The following CYP7B1 variants were observed in gnomAD, a reference collection of about 807,000 sequenced individuals.
CYP7B1 encodes cytochrome P450 family 7 subfamily B member 1.
CYP7B1 carries 29 observed loss-of-function variants against 42.7 expected under a neutral mutation model. The observed-to-expected ratio is 0.68, with a 90% CI of 0.51 to 0.93. The LOEUF (loss-of-function observed/expected upper bound fraction) is 0.93, where lower values mean the gene tolerates loss of function less well. Among genes scored for constraint, CYP7B1 ranks in the 40% least tolerant of loss-of-function variants. The pLI, the probability that CYP7B1 is intolerant of heterozygous loss-of-function variation, is 0.00. For synonymous variants in CYP7B1, 235 were observed against 218.2 expected (o/e 1.08, Z -0.68); for missense variants, 655 against 600.5 (o/e 1.09, Z -0.95).
At chr8:64,721,372 A>G (rs1050046409) in intron 1 of CYP7B1, among the ~76,000 whole-genome samples, 17 of 152,180 alleles carry the variant, frequency 1.1e-4, no homozygotes, top group Non-Finnish European at 2.1e-4. Flanking sequence ...ACTAATTTAA[A>G]AAAATCATAG....
intron 1 of CYP7B1, among the ~76,000 whole-genome samples, chr8:64,697,870 C>G (rs1806853540): frequency 6.6e-6 from 1 of 152,194 alleles, no homozygotes; most frequent in South Asian, 2.1e-4. Context: ...AAACCAAAAA[C>G]AAAACCAGTT....
chr8:64,789,595 A>G (rs1804585525), intron 1 of CYP7B1, among the ~76,000 whole-genome samples: 1 of 152,206 alleles, frequency 6.6e-6, no homozygotes, highest in Non-Finnish European at 1.5e-5. Flanking sequence ...AGGATATTTG[A>G]CAATATCTGA....
downstream of CYP7B1, among the ~76,000 whole-genome samples, chr8:64,587,587 C>T (rs1184070534): frequency 6.6e-6 from 1 of 152,214 alleles, no homozygotes. Context: ...CGCTTCCTCA[C>T]GCAGCAGGGA....
In CYP7B1 at chr8:64,604,795, CCT is replaced by C. The variant is rs775308704; in HGVS notation, c.1118_1119del (p.Glu373GlyfsTer30). On this transcript the variant is annotated frameshift_variant, in exon 5 of 6. Transcript: ENST00000310193. LOFTEE classifies it high-confidence loss of function. ...SSYSTTIRFVEEDLTLSSETG... is the reference protein window; with the variant it reads ...SSYSTTIRFVXEDLTLSSETG... ...GTCTCTGAACTGAGAGTCAAATCCT[CCT>C]CAACAAAACGAATGGTGGTTGAATA... 6.2e-7 allele frequency: 1 copy of C among 1,614,154 alleles called. No homozygotes were observed. Among genetic ancestry groups the C allele is most frequent in the Non-Finnish European group, 8.5e-7 (1 of 1,180,026 alleles).
intron 1 of CYP7B1, among the ~76,000 whole-genome samples, chr8:64,646,843 C>A (rs1393917015): frequency 6.6e-6 from 1 of 152,166 alleles, no homozygotes; most frequent in Non-Finnish European, 1.5e-5. Flanking sequence ...TTTTCTCTAT[C>A]AGCAACAAGG....
chr8:64,700,727 T>C (rs545107522), intron 1 of CYP7B1, among the ~76,000 whole-genome samples: 12 of 152,240 alleles, frequency 7.9e-5, no homozygotes, highest in African/African-American at 2.6e-4. Context: ...ACAAAGTATA[T>C]GTATATGTGA....
rs538222663 is a variant in CYP7B1 at position 64,797,965 on chromosome 8, T to A, written c.122+501A>T. Among the ~76,000 whole-genome samples the A allele has an allele frequency of 2.0e-5, 3 of 152,318 alleles. No individual in the cohort carries two copies. In the East Asian group the frequency reaches 5.8e-4, roughly 29 times the overall value. ...TTAACTCATTTAGTACTCACAAAAA[T>A]CTCACGAGGCATGTACTATTATTTC... On this transcript the variant is annotated intron_variant, in intron 1 of 5. Transcript: ENST00000310193.
intron 1 of CYP7B1, among the ~76,000 whole-genome samples, chr8:64,641,043 T>G (rs923023603): frequency 6.6e-6 from 1 of 152,340 alleles, no homozygotes; most frequent in African/African-American, 2.4e-5. Flanking sequence ...GTTTGGCACT[T>G]AGCCATTGTG....
intron 1 of CYP7B1, among the ~76,000 whole-genome samples, chr8:64,675,066 T>C (rs914114981): frequency 6.6e-6 from 1 of 152,148 alleles, no homozygotes; most frequent in Non-Finnish European, 1.5e-5. Context: ...TTTCTTTACA[T>C]GAACATGGTG....
chr8:64,607,414 A>C (rs1399837638), intron 4 of CYP7B1, among the ~76,000 whole-genome samples: 1 of 151,056 alleles, frequency 6.6e-6, no homozygotes, highest in Middle Eastern at 3.4e-3. Flanking sequence ...AAAAAAAAAA[A>C]AACTTTCCAT....
chr8:64,618,450 A>G (rs1005859898), intron 2 of CYP7B1, among the ~76,000 whole-genome samples: 2 of 152,210 alleles, frequency 1.3e-5, no homozygotes, highest in Admixed American at 6.5e-5. Context: ...AAATGGAAAC[A>G]GAAAATATAT....
rs1806596135 is a variant in CYP7B1 at position 64,684,885 on chromosome 8, A to G, written c.123-60346T>C. ...CAATGCAAAACCACAATGAGATACC[A>G]CTTCACATCCACAAGGATGGCTCTT... On this transcript the variant is annotated intron_variant, in intron 1 of 5. Transcript: ENST00000310193. Among the ~76,000 whole-genome samples the G allele has an allele frequency of 2.6e-5, 4 of 152,246 alleles. No homozygotes were observed. The South Asian group carries it at 8.3e-4, about 32-fold the overall frequency.
At chr8:64,663,219 C>G (rs1287479810) in intron 1 of CYP7B1, among the ~76,000 whole-genome samples, 1 of 152,082 alleles carries the variant, frequency 6.6e-6, no homozygotes, top group Non-Finnish European at 1.5e-5. Flanking sequence ...AGCCATCTGA[C>G]TTAATTATGA....
At chr8:64,709,288 TGATC>T in intron 1 of CYP7B1, among the ~76,000 whole-genome samples, 1 of 152,218 alleles carries the variant, frequency 6.6e-6, no homozygotes, top group Admixed American at 6.5e-5. Context: ...ACAATAAATT[TGATC>T]TTTTGATTTC....
At chr8:64,769,848 G>C (rs780883960) in intron 1 of CYP7B1, among the ~76,000 whole-genome samples, 5 of 152,014 alleles carry the variant, frequency 3.3e-5, no homozygotes, top group East Asian at 3.9e-4. Flanking sequence ...TATTCTTCCT[G>C]AAGACTGACA....
chr8:64,655,668 C>T (rs1806110319), intron 1 of CYP7B1, among the ~76,000 whole-genome samples: 1 of 152,096 alleles, frequency 6.6e-6, no homozygotes, highest in Non-Finnish European at 1.5e-5. Context: ...TGTGTATATA[C>T]CCAGAGGAAT....
Position 64,600,368 on chromosome 8 carries a change from C to T in CYP7B1, c.1234-3439G>A, listed in dbSNP as rs1401481572. Among the ~76,000 whole-genome samples the T allele has an allele frequency of 2.0e-5, 3 of 152,098 alleles. No homozygotes were observed. The East Asian group carries it at 5.8e-4, about 29-fold the overall frequency. On this transcript the variant is annotated intron_variant, in intron 5 of 5. Coordinates refer to ENST00000310193, the MANE Select transcript of CYP7B1 (RefSeq NM_004820.5). Reference sequence around the variant, plus strand: ...TCCTGTATGTAAAGCATTGAAGTTACAAGGCATAAAACATGGTCTTGCTGA... The same window carrying T: ...TCCTGTATGTAAAGCATTGAAGTTATAAGGCATAAAACATGGTCTTGCTGA...
At position 64,616,101 on chromosome 8, in the gene CYP7B1, C is replaced by T. The variant is rs754730601; in HGVS notation, c.440G>A (p.Gly147Asp). ...ELHLCYQFLQ[G>D]KSLDILLESM... ...TTCCAAGAGTATGTCCAAAGATTTG[C>T]CTTGCAAAAATTGATAGCAGAGGTG... Residue 147 changes from glycine to aspartate, a missense_variant, in exon 3 of 6, where the codon GGC becomes GAC. By Grantham distance (94) the Gly-to-Asp change is moderately conservative. Transcript: ENST00000310193. The T allele has an allele frequency of 6.8e-6, 11 of 1,613,596 alleles. No homozygotes were observed. Among genetic ancestry groups the T allele is most frequent in the Non-Finnish European group, 9.3e-6 (11 of 1,179,794 alleles).
chr8:64,721,852 T>G (rs1807241702), intron 1 of CYP7B1, among the ~76,000 whole-genome samples: 1 of 152,192 alleles, frequency 6.6e-6, no homozygotes, highest in Admixed American at 6.5e-5. Context: ...CTACTGTAAA[T>G]GTTTCATTTA....
Sources: allele counts gnomAD v4.1 joint callset (sites outside exome capture counted in the v4.1 genomes callset), GRCh38; gene constraint gnomAD v4.1.1; transcripts MANE v1.5; gene names NCBI Gene and HGNC (gene_info 2026-07-23, HGNC 2026-07-21).